The following PALLD variants were observed in gnomAD, a reference collection of about 807,000 sequenced individuals.
The protein encoded by PALLD is palladin.
In PALLD, 61 loss-of-function variants were observed where a neutral mutation model predicts 123.5. The ratio of observed to expected loss-of-function variants is 0.49; its 90% CI spans 0.40 to 0.61. PALLD has a LOEUF of 0.61. PALLD is among the 20% of genes least tolerant of loss of function. PALLD has a pLI of 0.00. For synonymous variants in PALLD, 465 were observed against 496.4 expected (o/e 0.94, Z 0.84); for missense variants, 1,273 against 1,377.0 (o/e 0.92, Z 1.20).
rs1776377821 is a variant in PALLD at position 168,636,680 on chromosome 4, CT to C, written c.909-31507del. Among the ~76,000 whole-genome samples the C allele has an allele frequency of 2.6e-5, 4 of 152,146 alleles. No homozygotes were observed. In the South Asian group the frequency reaches 8.3e-4, roughly 32 times the overall value. On this transcript the variant is annotated intron_variant, in intron 2 of 21. Coordinates refer to ENST00000505667, the MANE Select transcript of PALLD (RefSeq NM_001166108.2). ...CTGATGAATCACTGGCTGGAAGGGA[CT>C]TTAAGAAATCACTTAGTCATATTCC...
chr4:168,816,820 G>A (rs1357427709), intron 10 of PALLD, among the ~76,000 whole-genome samples: 3 of 292 alleles, frequency 0.01, no homozygotes, highest in Admixed American at 0.062. Context: ...CTAGCCCCGT[G>A]TGTGTGTGTG....
intron 12 of PALLD, 133 bp downstream of exon 12, chr4:168,894,810 C>T: frequency 6.9e-7 from 1 of 1,440,252 alleles, no homozygotes; most frequent in South Asian, 1.3e-5. Flanking sequence ...GTATTAATAT[C>T]ATCAGTCAAC....
intron 2 of PALLD, among the ~76,000 whole-genome samples, chr4:168,655,328 A>AGAATACATTCTGTAC (rs2149940595): frequency 6.6e-6 from 1 of 152,320 alleles, no homozygotes; most frequent in South Asian, 2.1e-4. Context: ...CTGTACATAC[A>AGAATACATTCTGTAC]ATTATTGACT....
chr4:168,912,316 A>G (rs895429804), intron 15 of PALLD, among the ~76,000 whole-genome samples: 1 of 152,232 alleles, frequency 6.6e-6, no homozygotes, highest in Non-Finnish European at 1.5e-5. Flanking sequence ...AAGTCTAATC[A>G]TTGATGGTAC....
chr4:168,798,521 A>G (rs1187683203), intron 10 of PALLD, among the ~76,000 whole-genome samples: 1 of 152,222 alleles, frequency 6.6e-6, no homozygotes, highest in Non-Finnish European at 1.5e-5. Flanking sequence ...CTACTATAAT[A>G]TCTATTTCTC....
chr4:168,859,202 A>C (rs1453855237), intron 10 of PALLD, among the ~76,000 whole-genome samples: 2 of 152,188 alleles, frequency 1.3e-5, no homozygotes, highest in African/African-American at 4.8e-5. Context: ...ACAGCCTGCT[A>C]TCTTCTGCCT....
intron 2 of PALLD, among the ~76,000 whole-genome samples, chr4:168,601,427 TA>T (rs1455159851): frequency 6.6e-6 from 1 of 152,120 alleles, no homozygotes; most frequent in Non-Finnish European, 1.5e-5. Context: ...AATAGCCTGT[TA>T]GAGAGAACCA....
At chr4:168,700,697 A>T (rs952849371) in intron 8 of PALLD, 8 of 152,196 alleles carry the variant, frequency 5.3e-5, no homozygotes, top group Admixed American at 1.3e-4. Context: ...AGAAACTAAC[A>T]AACTAATTAC....
chr4:168,682,491 A>G (rs763562809), intron 4 of PALLD, among the ~76,000 whole-genome samples: 1 of 152,228 alleles, frequency 6.6e-6, no homozygotes. Flanking sequence ...ACTAACTTAT[A>G]TGCACTAAGA....
chr4:168,692,414 A>G (rs2150128187), intron 8 of PALLD, among the ~76,000 whole-genome samples: 1 of 152,350 alleles, frequency 6.6e-6, no homozygotes, highest in East Asian at 1.9e-4. Context: ...CAAATACTGT[A>G]GTCACTTTCC....
At chr4:168,797,960 G>GAAAA (rs1318070010) in intron 10 of PALLD, among the ~76,000 whole-genome samples, 1 of 151,484 alleles carries the variant, frequency 6.6e-6, no homozygotes, top group African/African-American at 2.4e-5. Flanking sequence ...TATTTTTCTT[G>GAAAA]AGTTCAGTGT....
intron 10 of PALLD, among the ~76,000 whole-genome samples, chr4:168,723,862 C>T (rs1786271556): frequency 6.7e-6 from 1 of 148,878 alleles, no homozygotes; most frequent in Non-Finnish European, 1.5e-5. Flanking sequence ...TTTGTGGTTA[C>T]TAACCTCTAA....
At chr4:168,894,506 C>T (rs1304909747) in intron 11 of PALLD, 73 bp from the exon 12 acceptor site, 4 of 893,648 alleles carry the variant, frequency 4.5e-6, no homozygotes, top group Non-Finnish European at 7.3e-6. Flanking sequence ...TTGTTTTTTA[C>T]TCTTTTTCAT....
chr4:168,832,719 T>G (rs1198737361), intron 10 of PALLD: 1 of 152,194 alleles, frequency 6.6e-6, no homozygotes, highest in Non-Finnish European at 1.5e-5. Context: ...CTCCTTTCTT[T>G]GGGATGGTTC....
intron 10 of PALLD, among the ~76,000 whole-genome samples, chr4:168,880,624 A>C (rs372945860): frequency 7.2e-5 from 11 of 152,230 alleles, no homozygotes; most frequent in African/African-American, 2.4e-4. Flanking sequence ...TGTTTACCAT[A>C]ATAATCCAAA....
chr4:168,547,566 C>CAAAAAAAAAAAAA (rs11339394), intron 2 of PALLD, among the ~76,000 whole-genome samples: 11 of 70,924 alleles, frequency 1.6e-4, no homozygotes, highest in Non-Finnish European at 1.8e-4. Context: ...TAATAAAATA[C>CAAAAAAAAAAAAA]AAAAAAAAAA....
intron 10 of PALLD, among the ~76,000 whole-genome samples, chr4:168,720,777 T>C (rs1408954274): frequency 6.6e-6 from 1 of 152,242 alleles, no homozygotes; most frequent in African/African-American, 2.4e-5. Flanking sequence ...ATTAGCAGTG[T>C]TGGTCTTGGA....
At chr4:168,511,037 T>C (rs1009940403) in intron 1 of PALLD, among the ~76,000 whole-genome samples, 1 of 152,212 alleles carries the variant, frequency 6.6e-6, no homozygotes, top group Non-Finnish European at 1.5e-5. Flanking sequence ...AAAATGCATT[T>C]TGTGGTTTAG....
chr4:168,579,401 T>C (rs1769992021), intron 2 of PALLD, among the ~76,000 whole-genome samples: 1 of 152,152 alleles, frequency 6.6e-6, no homozygotes, highest in Admixed American at 6.6e-5. Context: ...AATTTTAATC[T>C]CTAAATGTTT....
Sources: gnomAD v4.1 joint callset for allele counts (sites outside exome capture counted in the v4.1 genomes callset) on GRCh38, gnomAD v4.1.1 for gene constraint, MANE v1.5 for transcripts, NCBI Gene and HGNC (gene_info 2026-07-23, HGNC 2026-07-21) for gene names.